HAVCR1: variants seen among roughly 807,000 people sequenced by gnomAD.
HAVCR1 encodes the protein T cell immunoglobin domain and mucin domain protein 1.
A neutral mutation model predicts 32.0 loss-of-function variants in HAVCR1; 34 were observed. The observed-to-expected ratio is 1.06, with a 90% CI of 0.81 to 1.42. The LOEUF is 1.42. Ranked by LOEUF, HAVCR1 falls within the 40% of genes most tolerant of loss-of-function variation. HAVCR1 has a pLI of 0.00. For synonymous variants in HAVCR1, 178 were observed against 170.3 expected, an observed-to-expected ratio of 1.05 and a Z score of -0.35; for missense variants, 420 against 442.3, an observed-to-expected ratio of 0.95 and a Z score of 0.45.
intron 7 of HAVCR1, among the ~76,000 whole-genome samples, chr5:157,034,809 TA>T (rs55657930): frequency 0.34 from 51,848 of 151,916 alleles, 9,504 homozygotes; most frequent in East Asian, 0.66. Flanking sequence ...CCTAATCCAT[TA>T]AACCTTGAGT....
intron 8 of HAVCR1, among the ~76,000 whole-genome samples, chr5:157,031,522 G>A (rs969015393): frequency 1.3e-5 from 2 of 152,062 alleles, no homozygotes; most frequent in Non-Finnish European, 2.9e-5. Context: ...TGCAGTAAAG[G>A]GGATTTAAAT....
chr5:157,043,393 G>T (rs1755034167), intron 5 of HAVCR1, among the ~76,000 whole-genome samples: 3 of 152,166 alleles, frequency 2.0e-5, no homozygotes, highest in Admixed American at 1.3e-4. Flanking sequence ...AGCCAGGCAT[G>T]GGTGGCTCAT....
the HAVCR1 span, among the ~76,000 whole-genome samples, chr5:157,064,862 C>A: frequency 4.6e-5 from 7 of 151,764 alleles, no homozygotes; most frequent in East Asian, 1.2e-3. Context: ...AGCAAGACTC[C>A]ATCTCAAAAA....
At chr5:157,064,456 A>T in the HAVCR1 span, among the ~76,000 whole-genome samples, 10 of 152,108 alleles carry the variant, frequency 6.6e-5, no homozygotes, top group Non-Finnish European at 1.0e-4. Context: ...AAGGAGGTGG[A>T]GAAGGTGGAG....
In HAVCR1 at chr5:157,038,124, C is replaced by T. The variant is rs541564960; in HGVS notation, c.838-763G>A. Among the ~76,000 whole-genome samples, 75 of 152,224 alleles carry T rather than the reference C, an allele frequency of 4.9e-4. No homozygotes were observed. In the South Asian group the frequency reaches 0.014, roughly 28 times the overall value. On this transcript the variant is annotated intron_variant, in intron 6 of 8. Coordinates refer to ENST00000523175, the MANE Select transcript of HAVCR1 (RefSeq NM_001173393.3). ...GTTACAGTCCTTACTTGTCTTTTTA[C>T]CTGTAATAGAAGATTCTGTCTCTAT...
chr5:157,038,428 T>G (rs1211291573), intron 6 of HAVCR1, among the ~76,000 whole-genome samples: 1 of 152,238 alleles, frequency 6.6e-6, no homozygotes, highest in African/African-American at 2.4e-5. Flanking sequence ...TTGTAAAATC[T>G]TAATCCCTGG....
chr5:157,056,533 C>T (rs941729061), intron 2 of HAVCR1, among the ~76,000 whole-genome samples: 3 of 152,020 alleles, frequency 2.0e-5, no homozygotes, highest in African/African-American at 7.2e-5. Flanking sequence ...GCACACGCCG[C>T]CACGCCCGGC....
chr5:157,054,871 C>T (rs1247954420), intron 3 of HAVCR1, among the ~76,000 whole-genome samples: 1 of 152,100 alleles, frequency 6.6e-6, no homozygotes, highest in Non-Finnish European at 1.5e-5. Context: ...GGACTATGTG[C>T]ATAGTTTACA....
intron 1 of HAVCR1, chr5:157,058,470 G>A (rs187880583): frequency 2.4e-4 from 37 of 153,512 alleles, no homozygotes; most frequent in Non-Finnish European, 2.8e-4. Context: ...GGCTGAGGCA[G>A]GAGAATGGCG....
chr5:157,053,134 C>T (rs944625689), intron 3 of HAVCR1, among the ~76,000 whole-genome samples: 2 of 152,114 alleles, frequency 1.3e-5, no homozygotes, highest in Non-Finnish European at 2.9e-5. Context: ...CGCCTGTAAT[C>T]CCAGCACTTT....
In HAVCR1 at chr5:157,052,345, A is replaced by G. The variant is rs1311743959; in HGVS notation, c.673+16T>C. On this transcript the variant is annotated intron_variant, in intron 4 of 8. Coordinates refer to ENST00000523175, the MANE Select transcript of HAVCR1 (RefSeq NM_001173393.3). ...TCATTAGAAGGCCTTTGGGCTTCCA[A>G]ACACATCTGTTTTACCTGGTTCATG... 1.2e-6 allele frequency: 2 copies of G among 1,612,866 alleles called. No homozygotes were observed. The highest frequency in any genetic ancestry group is 1.7e-5 in the Admixed American group (1 of 59,990).
chr5:157,057,775 C>T (rs1453952751), intron 2 of HAVCR1, 123 bp downstream of exon 2: 7 of 740,592 alleles, frequency 9.5e-6, no homozygotes, highest in South Asian at 1.6e-5. Context: ...AGCCATACAA[C>T]GGTACCCAAA....
intron 5 of HAVCR1, among the ~76,000 whole-genome samples, chr5:157,044,476 G>A (rs377410903): frequency 0.17 from 6,348 of 36,806 alleles, 430 homozygotes; most frequent in East Asian, 0.36. Flanking sequence ...AGAAAGGAAG[G>A]AAGGAAGGAA....
chr5:157,057,615 A>T (rs4704839), intron 2 of HAVCR1, among the ~76,000 whole-genome samples: 131,449 of 152,140 alleles, frequency 0.86, 56,835 homozygotes, highest in East Asian at 0.99. Flanking sequence ...ATCTAACCAC[A>T]CCCTTTTTGT....
chr5:157,058,252 G>A, intron 1 of HAVCR1: 1 of 282,760 alleles, frequency 3.5e-6, no homozygotes, highest in South Asian at 6.1e-5. Flanking sequence ...CTGATACAGG[G>A]TATCAGGGGA....
chr5:157,064,875 A>G, the HAVCR1 span, among the ~76,000 whole-genome samples: 2 of 152,282 alleles, frequency 1.3e-5, no homozygotes, highest in East Asian at 3.9e-4. Context: ...CTCAAAAAAA[A>G]CAAAAAACAA....
In HAVCR1 at chr5:157,059,049, G is replaced by A. The variant is rs1756400754; in HGVS notation, c.-141C>T. 1 of 152,144 alleles carries A rather than the reference G, an allele frequency of 6.6e-6. No individual in the cohort carries two copies. The allele number at this position is 152,144 out of a possible 1,614,324, so 9.4% of individuals were successfully genotyped here. On this transcript the variant is annotated 5_prime_UTR_variant, in exon 1 of 9. Transcript: ENST00000523175. ...CTTCCTCTATCTCCCACCAAGGATT[G>A]ATATAATAAGCAAAAAGGGCCACGG...
chr5:157,048,976 C>G (rs547604194), intron 5 of HAVCR1, 62 bp downstream of exon 5: 2 of 972,646 alleles, frequency 2.1e-6, no homozygotes, highest in Admixed American at 3.4e-5. Context: ...GTGCTCTCAA[C>G]AAAGTCAATG....
the HAVCR1 span, among the ~76,000 whole-genome samples, chr5:157,065,098 T>C: frequency 4.0e-5 from 6 of 151,786 alleles, no homozygotes; most frequent in Non-Finnish European, 7.4e-5. Context: ...GAGGCCGAGG[T>C]GGGCGGATCA....
Sources: allele counts gnomAD v4.1 joint callset (sites outside exome capture counted in the v4.1 genomes callset), GRCh38; gene constraint gnomAD v4.1.1; transcripts MANE v1.5; gene names NCBI Gene and HGNC (gene_info 2026-07-23, HGNC 2026-07-21).